Variants in THBS4 observed in about 807,000 individuals in gnomAD.
The protein encoded by THBS4 is thrombospondin 4.
THBS4 carries 90 observed loss-of-function variants against 115.7 expected under a neutral mutation model. The ratio of observed to expected loss-of-function variants is 0.78; its 90% CI spans 0.66 to 0.93. The LOEUF (loss-of-function observed/expected upper bound fraction) is 0.93. Ranked by LOEUF, THBS4 falls within the 40% of genes least tolerant of loss-of-function variation. THBS4 has a pLI of 0.00. For missense variants in THBS4, 1,087 were observed against 1,232.7 expected (o/e 0.88, Z 1.77); for synonymous variants, 460 against 479.3 (o/e 0.96, Z 0.53).
chr5:80,038,160 C>CA (rs1198261401), intron 1 of THBS4, among the ~76,000 whole-genome samples: 2 of 151,622 alleles, frequency 1.3e-5, no homozygotes, highest in African/African-American at 4.8e-5. Context: ...GTTAGATAAG[C>CA]AAAAAATAAA....
At chr5:79,999,634 T>C (rs867387414) in intron 2 of THBS4, among the ~76,000 whole-genome samples, 5 of 152,352 alleles carry the variant, frequency 3.3e-5, no homozygotes, top group Middle Eastern at 3.4e-3. Context: ...AATGCTGCCA[T>C]TTTAAAATTT....
At chr5:79,996,552 A>G (rs145462734) in intron 1 of THBS4, among the ~76,000 whole-genome samples, 40 of 152,324 alleles carry the variant, frequency 2.6e-4, no homozygotes, top group African/African-American at 9.4e-4. Context: ...CCTGACGTCT[A>G]GCTAAATTTG....
intron 1 of THBS4, among the ~76,000 whole-genome samples, chr5:79,996,277 G>C (rs890476258): frequency 6.6e-6 from 1 of 152,196 alleles, no homozygotes; most frequent in Non-Finnish European, 1.5e-5. Flanking sequence ...CCATGGGCAG[G>C]CTAATGATTA....
chr5:79,994,745 G>A (rs1831757252), intron 1 of THBS4, among the ~76,000 whole-genome samples: 1 of 152,214 alleles, frequency 6.6e-6, no homozygotes, highest in Admixed American at 6.5e-5. Context: ...GGAGAAGATT[G>A]CAGTGAGCCG....
intron 2 of THBS4, among the ~76,000 whole-genome samples, chr5:80,009,868 C>A (rs901459770): frequency 6.6e-6 from 1 of 152,132 alleles, no homozygotes; most frequent in Non-Finnish European, 1.5e-5. Context: ...CTTGGTGGCT[C>A]AAGCCTGTAA....
chr5:80,044,482 G>T (rs192906657), intron 2 of THBS4, among the ~76,000 whole-genome samples: 2 of 152,098 alleles, frequency 1.3e-5, no homozygotes, highest in Non-Finnish European at 2.9e-5. Flanking sequence ...GAGTGCAGTC[G>T]CTAGATATCG....
At chr5:80,033,623 C>A (rs1267720127), upstream of THBS4, among the ~76,000 whole-genome samples, 1 of 152,236 alleles carries the variant, frequency 6.6e-6, no homozygotes, top group African/African-American at 2.4e-5. Flanking sequence ...ATCTAGACTG[C>A]TGACAAGCAT....
chr5:80,064,480 T>C (rs1833741700), intron 8 of THBS4, among the ~76,000 whole-genome samples: 1 of 152,154 alleles, frequency 6.6e-6, no homozygotes, highest in African/African-American at 2.4e-5. Context: ...AAAGTAAATA[T>C]AAAAAGGTAA....
At chr5:79,995,042 C>T (rs1179484761) in intron 1 of THBS4, among the ~76,000 whole-genome samples, 2 of 152,118 alleles carry the variant, frequency 1.3e-5, no homozygotes, top group East Asian at 3.9e-4. Context: ...ACAGGACTGA[C>T]TATGGCAAGG....
At chr5:80,004,269 A>T (rs1310219261) in intron 2 of THBS4, among the ~76,000 whole-genome samples, 2 of 152,232 alleles carry the variant, frequency 1.3e-5, no homozygotes, top group Non-Finnish European at 1.5e-5. Context: ...TGTTAGAAGG[A>T]TGATGAATGT....
intron 7 of THBS4, 117 bp from the exon 8 acceptor site, chr5:80,061,578 T>A: frequency 3.7e-6 from 5 of 1,351,334 alleles, no homozygotes; most frequent in Non-Finnish European, 5.0e-6. Context: ...TTTCCTTTTA[T>A]TATTTTTTCC....
intron 2 of THBS4, among the ~76,000 whole-genome samples, chr5:80,026,836 T>C (rs1832485993): frequency 6.6e-6 from 1 of 152,194 alleles, no homozygotes; most frequent in Non-Finnish European, 1.5e-5. Flanking sequence ...GAAATTGAAG[T>C]CATTTTCTCT....
chr5:80,070,111 C>G (rs1057440369), intron 10 of THBS4, among the ~76,000 whole-genome samples, 195 bp from the exon 11 acceptor site: 1 of 100,902 alleles, frequency 9.9e-6, no homozygotes, highest in African/African-American at 4.4e-5. Flanking sequence ...CTCTGAGTCT[C>G]CCTTTATATC....
intron 15 of THBS4, among the ~76,000 whole-genome samples, chr5:80,076,526 A>G (rs1023561346): frequency 1.3e-5 from 2 of 152,142 alleles, no homozygotes; most frequent in African/African-American, 4.8e-5. Context: ...ACTGCCTGTC[A>G]TTGTTCCCCT....
At chr5:80,068,523 T>C (rs74935928) in intron 10 of THBS4, 2 of 199,984 alleles carry the variant, frequency 1.0e-5, no homozygotes, top group Admixed American at 5.5e-5. Flanking sequence ...CCTGCTGTCA[T>C]CTCTAACTGT....
At chr5:80,059,643 T>A in intron 6 of THBS4, 60 bp from the exon 7 acceptor site, 1 of 1,603,466 alleles carries the variant, frequency 6.2e-7, no homozygotes, top group South Asian at 1.1e-5. Flanking sequence ...CAAATTTTGT[T>A]TTGCCTTCTG....
chr5:80,045,483 G>A (rs1369091326), intron 2 of THBS4, among the ~76,000 whole-genome samples: 1 of 151,180 alleles, frequency 6.6e-6, no homozygotes, highest in Non-Finnish European at 1.5e-5. Flanking sequence ...ACAATAATAA[G>A]TGGAAAAAAT....
At chr5:79,998,404 G>T in exon 2 of THBS4, 1 of 154,136 alleles carries the variant, frequency 6.5e-6, no homozygotes, top group Non-Finnish European at 1.4e-5. Context: ...CCTCAGCCAT[G>T]TTTCCTGTAG....
At chr5:80,031,272 G>A (rs72772274), upstream of THBS4, among the ~76,000 whole-genome samples, 1 of 152,212 alleles carries the variant, frequency 6.6e-6, no homozygotes, top group Non-Finnish European at 1.5e-5. Context: ...GCTTACTGTT[G>A]GAACTTTGTG....
Sources: gnomAD v4.1 joint callset for allele counts (sites outside exome capture counted in the v4.1 genomes callset) on GRCh38, gnomAD v4.1.1 for gene constraint, MANE v1.5 for transcripts, NCBI Gene and HGNC (gene_info 2026-07-23, HGNC 2026-07-21) for gene names.